The following CTNNA3 variants were observed in gnomAD, a reference collection of about 807,000 sequenced individuals.
CTNNA3 encodes catenin alpha-3.
A neutral mutation model predicts 95.7 loss-of-function variants in CTNNA3; 76 were observed. That is an observed-to-expected ratio of 0.79 (90% CI 0.66 to 0.96). The LOEUF (loss-of-function observed/expected upper bound fraction) is 0.96. CTNNA3 is among the 40% of genes least tolerant of loss of function. The pLI, the probability that CTNNA3 is intolerant of heterozygous loss-of-function variation, is 0.00. For synonymous variants in CTNNA3, 431 were observed against 374.4 expected, an observed-to-expected ratio of 1.15 and a Z score of -1.74; for missense variants, 1,191 against 1,089.8, an observed-to-expected ratio of 1.09 and a Z score of -1.31.
chr10:65,965,759 C>T lies in CTNNA3; in HGVS notation c.2400+853G>A, dbSNP rs945621382. Reference sequence around the variant, plus strand: ...TTTGTAATTACATCCTCTTTCAGAACATTAACTCATTGAGGGACTGTCGAA... The same window carrying T: ...TTTGTAATTACATCCTCTTTCAGAATATTAACTCATTGAGGGACTGTCGAA... On this transcript the variant is annotated intron_variant, in intron 17 of 17. Coordinates refer to ENST00000433211, the MANE Select transcript of CTNNA3 (RefSeq NM_013266.4). Among the ~76,000 whole-genome samples, 35 of 151,954 alleles carry T rather than the reference C, an allele frequency of 2.3e-4. 1 individual carries two copies. Among genetic ancestry groups the T allele is most frequent in the African/African-American group, 8.0e-4 (33 of 41,374 alleles).
At chr10:65,977,519 G>A (rs11598459) in intron 16 of CTNNA3, among the ~76,000 whole-genome samples, 9,686 of 152,060 alleles carry the variant, frequency 0.064, 347 homozygotes, top group South Asian at 0.1. Context: ...GGTGGCTCAC[G>A]CCTATAATCC....
At chr10:67,211,596 A>C (rs10733835) in intron 6 of CTNNA3, among the ~76,000 whole-genome samples, 40,083 of 152,066 alleles carry the variant, frequency 0.26, 7,442 homozygotes, top group African/African-American at 0.53. Flanking sequence ...GTACCTGGCA[A>C]CTTGCTAGGC....
intron 1 of CTNNA3, among the ~76,000 whole-genome samples, chr10:67,676,446 TG>T (rs1840536428): frequency 6.6e-6 from 1 of 152,172 alleles, no homozygotes; most frequent in African/African-American, 2.4e-5. Flanking sequence ...TCAATAGTTT[TG>T]GGTAAAAATG....
At chr10:66,568,786 C>A (rs12779355) in intron 10 of CTNNA3, among the ~76,000 whole-genome samples, 78,797 of 151,210 alleles carry the variant, frequency 0.52, 20,802 homozygotes, top group South Asian at 0.73. Context: ...CGCATGGAAT[C>A]CTAGGAATAG....
intron 6 of CTNNA3, among the ~76,000 whole-genome samples, chr10:67,189,161 T>C (rs1441902051): frequency 1.3e-5 from 2 of 148,272 alleles, no homozygotes; most frequent in African/African-American, 5.0e-5. Flanking sequence ...AAACAGAAAA[T>C]TCTGTCATTT....
intron 1 of CTNNA3, among the ~76,000 whole-genome samples, chr10:67,726,173 TAA>T (rs1243155146): frequency 4.0e-5 from 4 of 99,496 alleles, no homozygotes; most frequent in African/African-American, 1.7e-4. Context: ...TCTTATATAA[TAA>T]TATATATTAT....
chr10:66,581,971 G>T (rs914257060), intron 10 of CTNNA3, among the ~76,000 whole-genome samples: 2 of 151,652 alleles, frequency 1.3e-5, no homozygotes, highest in African/African-American at 4.8e-5. Flanking sequence ...TAAGTATTTG[G>T]CTTTATTTCT....
At chr10:67,482,919 T>C (rs970878082) in intron 5 of CTNNA3, among the ~76,000 whole-genome samples, 1 of 152,040 alleles carries the variant, frequency 6.6e-6, no homozygotes, top group Admixed American at 6.6e-5. Flanking sequence ...TTGAGATACG[T>C]CCCATCAATA....
At chr10:66,374,809 G>T (rs1043698699) in intron 12 of CTNNA3, among the ~76,000 whole-genome samples, 6 of 151,664 alleles carry the variant, frequency 4.0e-5, no homozygotes, top group African/African-American at 1.5e-4. Flanking sequence ...TAGAGACGGG[G>T]TTTCACCATG....
chr10:66,412,053 T>C (rs148937693), intron 11 of CTNNA3, among the ~76,000 whole-genome samples: 1 of 152,190 alleles, frequency 6.6e-6, no homozygotes, highest in African/African-American at 2.4e-5. Flanking sequence ...TACGGCAAAA[T>C]TGTGGATCCA....
At chr10:66,246,815 G>A (rs2090347476) in intron 13 of CTNNA3, among the ~76,000 whole-genome samples, 1 of 151,876 alleles carries the variant, frequency 6.6e-6, no homozygotes, top group Non-Finnish European at 1.5e-5. Context: ...CACTTTGGGA[G>A]GCCAAGGCAG....
At chr10:66,159,228 G>T (rs1398908846) in intron 13 of CTNNA3, among the ~76,000 whole-genome samples, 2 of 151,916 alleles carry the variant, frequency 1.3e-5, no homozygotes, top group African/African-American at 4.8e-5. Flanking sequence ...GCACGCTTGT[G>T]TTGTTCCAGG....
intron 5 of CTNNA3, among the ~76,000 whole-genome samples, chr10:67,342,021 C>T (rs1290009040): frequency 7.7e-6 from 1 of 129,412 alleles, no homozygotes; most frequent in East Asian, 2.5e-4. Flanking sequence ...ATCTATTCTA[C>T]ATAGCTATTC....
intron 5 of CTNNA3, among the ~76,000 whole-genome samples, chr10:67,465,365 C>T (rs1847550735): frequency 1.3e-5 from 2 of 151,932 alleles, no homozygotes; most frequent in African/African-American, 4.8e-5. Flanking sequence ...AGCTGCCCTC[C>T]CCAAGTATTT....
At chr10:67,504,606 C>A (rs1442156654) in intron 5 of CTNNA3, among the ~76,000 whole-genome samples, 2 of 151,978 alleles carry the variant, frequency 1.3e-5, no homozygotes, top group Non-Finnish European at 2.9e-5. Context: ...TCATGAGCAC[C>A]AACCACATGT....
chr10:66,986,207 T>G (rs781672590), intron 7 of CTNNA3, among the ~76,000 whole-genome samples: 1 of 152,058 alleles, frequency 6.6e-6, no homozygotes, highest in Non-Finnish European at 1.5e-5. Context: ...TTAATTAAAA[T>G]AGCAAGACTG....
intron 11 of CTNNA3, among the ~76,000 whole-genome samples, chr10:66,492,089 T>C (rs1413948894): frequency 6.6e-6 from 1 of 152,156 alleles, no homozygotes; most frequent in Non-Finnish European, 1.5e-5. Context: ...AGAAATTGAT[T>C]TGTTACAAAC....
intron 7 of CTNNA3, among the ~76,000 whole-genome samples, chr10:66,917,070 T>C (rs1221552466): frequency 6.6e-6 from 1 of 152,150 alleles, no homozygotes; most frequent in Non-Finnish European, 1.5e-5. Flanking sequence ...GTGTAGCTAT[T>C]TTTATTTTTT....
chr10:67,290,867 T>C (rs918168602), intron 5 of CTNNA3, among the ~76,000 whole-genome samples: 3 of 152,206 alleles, frequency 2.0e-5, no homozygotes, highest in Non-Finnish European at 4.4e-5. Context: ...TCCTAAAATA[T>C]TCTGCCTCTT....
Sources: allele counts gnomAD v4.1 joint callset (sites outside exome capture counted in the v4.1 genomes callset), GRCh38; gene constraint gnomAD v4.1.1; transcripts MANE v1.5; gene names NCBI Gene and HGNC (gene_info 2026-07-23, HGNC 2026-07-21).